The following ATE1 variants were observed in gnomAD, a reference collection of about 807,000 sequenced individuals.
ATE1 encodes arginyltransferase 1, also known as arginyl-tRNA--protein transferase 1.
In ATE1, 36 loss-of-function variants were observed where a neutral mutation model predicts 70.5. That is an observed-to-expected ratio of 0.51 (90% confidence interval 0.39 to 0.67). ATE1 has a LOEUF of 0.67. ATE1 is among the 30% of genes least tolerant of loss of function. The pLI, the probability that ATE1 is intolerant of heterozygous loss-of-function variation, is 0.00. For missense variants in ATE1, 593 were observed against 629.5 expected, an observed-to-expected ratio of 0.94 and a Z score of 0.62; for synonymous variants, 232 against 219.3, an observed-to-expected ratio of 1.06 and a Z score of -0.51.
At chr10:121,919,498 T>C (rs35691802) in intron 3 of ATE1, among the ~76,000 whole-genome samples, 26,946 of 151,730 alleles carry the variant, frequency 0.18, 3,094 homozygotes, top group Non-Finnish European at 0.25. Context: ...GAGGCAGAGG[T>C]TGCAGTGAGC....
At chr10:121,743,932 T>TC in intron 11 of ATE1, 74 bp from the exon 12 acceptor site, 1 of 1,445,538 alleles carries the variant, frequency 6.9e-7, no homozygotes, top group Non-Finnish European at 9.2e-7. Flanking sequence ...TTTTTTTTTT[T>TC]TTTTTTTGAG....
At chr10:121,784,252 T>C (rs184554201) in intron 11 of ATE1, among the ~76,000 whole-genome samples, 6 of 152,350 alleles carry the variant, frequency 3.9e-5, no homozygotes, top group Admixed American at 1.3e-4. Context: ...ATTTATAAAA[T>C]AGTATGTTTT....
chr10:121,780,972 T>C (rs1945962913), intron 11 of ATE1, among the ~76,000 whole-genome samples: 1 of 152,212 alleles, frequency 6.6e-6, no homozygotes, highest in Admixed American at 6.5e-5. Context: ...GCTCAGTAAA[T>C]ACATGCTGAG....
intron 7 of ATE1, among the ~76,000 whole-genome samples, chr10:121,888,819 A>G (rs1950490537): frequency 6.6e-6 from 1 of 152,208 alleles, no homozygotes; most frequent in African/African-American, 2.4e-5. Flanking sequence ...GTCTACTACA[A>G]CAGGCAAAAT....
chr10:121,764,151 G>A (rs1268845433), intron 11 of ATE1, among the ~76,000 whole-genome samples: 1 of 151,834 alleles, frequency 6.6e-6, no homozygotes, highest in Non-Finnish European at 1.5e-5. Context: ...AGGGAAGGGC[G>A]ACGGAGGGCA....
At chr10:121,903,446 G>T (rs936594301) in intron 5 of ATE1, among the ~76,000 whole-genome samples, 1 of 152,036 alleles carries the variant, frequency 6.6e-6, no homozygotes, top group Non-Finnish European at 1.5e-5. Flanking sequence ...TAGCACTTTG[G>T]GGGGCTAAGG....
intron 11 of ATE1, among the ~76,000 whole-genome samples, chr10:121,759,926 T>C (rs1010610859): frequency 6.6e-6 from 1 of 152,154 alleles, no homozygotes; most frequent in African/African-American, 2.4e-5. Context: ...CTGAAGCCAA[T>C]GCTCATTAAT....
At chr10:121,853,544 A>G (rs1449165572) in intron 8 of ATE1, among the ~76,000 whole-genome samples, 1 of 152,124 alleles carries the variant, frequency 6.6e-6, no homozygotes, top group African/African-American at 2.4e-5. Context: ...TATAATGAAA[A>G]TATTTCAAAA....
chr10:121,754,150 G>A (rs1179460436), intron 11 of ATE1, among the ~76,000 whole-genome samples: 2 of 152,142 alleles, frequency 1.3e-5, no homozygotes, highest in African/African-American at 2.4e-5. Context: ...AGATATAAAC[G>A]TATGTGTATA....
chr10:121,907,724 G>A (rs909885250), intron 5 of ATE1, among the ~76,000 whole-genome samples: 5 of 151,446 alleles, frequency 3.3e-5, no homozygotes, highest in Non-Finnish European at 4.4e-5. Context: ...AGCCAAGATC[G>A]CACTACTGCA....
intron 7 of ATE1, among the ~76,000 whole-genome samples, chr10:121,886,281 T>C (rs1167357721): frequency 2.8e-5 from 4 of 143,678 alleles, no homozygotes; most frequent in Non-Finnish European, 6.0e-5. Flanking sequence ...AAACCAAAAA[T>C]ACATTGATGA....
chr10:121,866,846 C>CA (rs35535465), intron 8 of ATE1, among the ~76,000 whole-genome samples: 7,484 of 102,832 alleles, frequency 0.073, 267 homozygotes, highest in African/African-American at 0.1. Flanking sequence ...GACTCTGTCT[C>CA]AAAAAAAAAA....
chr10:121,772,480 C>A (rs1222882215), intron 11 of ATE1, among the ~76,000 whole-genome samples: 1 of 151,972 alleles, frequency 6.6e-6, no homozygotes, highest in Non-Finnish European at 1.5e-5. Context: ...TAATTAACCA[C>A]AAAAAAACTT....
At chr10:121,914,742 C>T (rs1345125503) in intron 3 of ATE1, among the ~76,000 whole-genome samples, 2 of 152,116 alleles carry the variant, frequency 1.3e-5, no homozygotes, top group Admixed American at 6.6e-5. Context: ...GAAAGAGTAA[C>T]ATAGAGCCTC....
chr10:121,885,532 T>G (rs1383798780), intron 7 of ATE1, among the ~76,000 whole-genome samples: 2 of 129,754 alleles, frequency 1.5e-5, no homozygotes, highest in Non-Finnish European at 3.1e-5. Flanking sequence ...ATCGCGCCAT[T>G]GCACTCCAGC....
chr10:121,749,724 C>CA (rs1432042251), intron 11 of ATE1, among the ~76,000 whole-genome samples: 1 of 152,142 alleles, frequency 6.6e-6, no homozygotes, highest in East Asian at 1.9e-4. Context: ...GTCAGCCCCC[C>CA]ATGCAGAACC....
chr10:121,783,053 C>G (rs1034134339), intron 11 of ATE1, among the ~76,000 whole-genome samples: 1 of 152,140 alleles, frequency 6.6e-6, no homozygotes, highest in Non-Finnish European at 1.5e-5. Flanking sequence ...AACCCTAATA[C>G]AGTAGTAAAA....
chr10:121,762,871 C>T (rs1945111336), intron 11 of ATE1, among the ~76,000 whole-genome samples: 1 of 152,026 alleles, frequency 6.6e-6, no homozygotes, highest in African/African-American at 2.4e-5. Context: ...CTTTTGTGAC[C>T]AGAAATATTC....
intron 11 of ATE1, among the ~76,000 whole-genome samples, chr10:121,775,090 C>T (rs1308129003): frequency 6.6e-6 from 1 of 152,072 alleles, no homozygotes; most frequent in East Asian, 1.9e-4. Context: ...ATACGGTACA[C>T]AGTTGTGCAG....
Sources: allele counts gnomAD v4.1 joint callset (sites outside exome capture counted in the v4.1 genomes callset), GRCh38; gene constraint gnomAD v4.1.1; transcripts MANE v1.5; gene names NCBI Gene and HGNC (gene_info 2026-07-23, HGNC 2026-07-21).